Variants in HERC1 observed in about 807,000 individuals in gnomAD.
HERC1 encodes the protein HECT and RLD domain containing E3 ubiquitin protein ligase family member 1.
In HERC1, 160 loss-of-function variants were observed where a neutral mutation model predicts 554.3. The ratio of observed to expected loss-of-function variants is 0.29; its 90% confidence interval spans 0.25 to 0.33. The LOEUF (loss-of-function observed/expected upper bound fraction) is 0.33, where lower values mean the gene tolerates loss of function less well. Among genes scored for constraint, HERC1 ranks in the 10% least tolerant of loss-of-function variants. The pLI is 1.00. For missense variants in HERC1, 4,919 were observed against 5,918.5 expected (o/e 0.83, Z 5.54); for synonymous variants, 2,175 against 2,131.7 (o/e 1.02, Z -0.56).
At chr15:63,719,055 G>T (rs979590271) in intron 19 of HERC1, among the ~76,000 whole-genome samples, 158 bp from the exon 20 acceptor site, 6 of 152,170 alleles carry the variant, frequency 3.9e-5, no homozygotes, top group Non-Finnish European at 8.8e-5. Flanking sequence ...TGTTCCAAGC[G>T]CTGTGGATAT....
intron 1 of HERC1, among the ~76,000 whole-genome samples, chr15:63,817,941 T>C (rs1382817475): frequency 6.6e-6 from 1 of 152,080 alleles, no homozygotes; most frequent in Non-Finnish European, 1.5e-5. Context: ...TCATAGTATC[T>C]ACCTATTCCC....
chr15:63,709,338 T>C (rs1406900116), intron 24 of HERC1, among the ~76,000 whole-genome samples: 1 of 152,094 alleles, frequency 6.6e-6, no homozygotes, highest in Non-Finnish European at 1.5e-5. Flanking sequence ...GGTTTTTTTT[T>C]AGTCTTTTTA....
intron 26 of HERC1, among the ~76,000 whole-genome samples, chr15:63,697,002 A>G (rs2072457019): frequency 6.6e-6 from 1 of 152,074 alleles, no homozygotes; most frequent in Admixed American, 6.5e-5. Context: ...GATGGTACAG[A>G]GAGTTCTTGT....
At chr15:63,773,006 A>G (rs533589668) in intron 2 of HERC1, among the ~76,000 whole-genome samples, 1 of 152,322 alleles carries the variant, frequency 6.6e-6, no homozygotes, top group African/African-American at 2.4e-5. Context: ...ATTTTATGAG[A>G]CACTCCTGTC....
chr15:63,805,287 A>C (rs1321818728), intron 1 of HERC1, among the ~76,000 whole-genome samples: 1 of 152,238 alleles, frequency 6.6e-6, no homozygotes, highest in Non-Finnish European at 1.5e-5. Flanking sequence ...ATGGTTATTC[A>C]TTACAAGCAA....
intron 1 of HERC1, among the ~76,000 whole-genome samples, chr15:63,828,451 T>C (rs1157806836): frequency 6.6e-6 from 1 of 152,142 alleles, no homozygotes; most frequent in Non-Finnish European, 1.5e-5. Flanking sequence ...GTGATTCTCC[T>C]GCCTCAGACT....
intron 33 of HERC1, 36 bp downstream of exon 33, chr15:63,689,553 G>T: frequency 8.9e-7 from 1 of 1,124,810 alleles, no homozygotes. Context: ...ATTCACTTAT[G>T]CTGTTAAGAA....
At chr15:63,751,514 G>A (rs1230598493) in intron 8 of HERC1, among the ~76,000 whole-genome samples, 2 of 152,094 alleles carry the variant, frequency 1.3e-5, no homozygotes, top group Admixed American at 1.3e-4. Flanking sequence ...TTCTCTTGCA[G>A]CGTTCCTTCG....
At chr15:63,743,789 CA>C (rs1372814601) in intron 12 of HERC1, among the ~76,000 whole-genome samples, 1 of 152,196 alleles carries the variant, frequency 6.6e-6, no homozygotes, top group East Asian at 1.9e-4. Context: ...TGAAAGGTCA[CA>C]AATCTGTTTC....
chr15:63,616,238 T>G (rs1466498017), intron 75 of HERC1, among the ~76,000 whole-genome samples, 192 bp downstream of exon 75: 2 of 55,518 alleles, frequency 3.6e-5, no homozygotes, highest in East Asian at 3.9e-4. Flanking sequence ...AGCAACTAAG[T>G]GCAGGAGCCT....
chr15:63,674,825 T>C lies in HERC1; in HGVS notation c.7363A>G (p.Thr2455Ala), dbSNP rs563040606. The C allele has an allele frequency of 1.9e-6, 3 of 1,613,898 alleles. No homozygotes were observed. The highest frequency in any genetic ancestry group is 1.7e-5 in the Admixed American group (1 of 60,004). Reference protein sequence around the residue: ...TSDDVKSQSTTSSKSENEIAS... With the variant: ...TSDDVKSQSTASSKSENEIAS... ...ATTTCATTTTCTGATTTGGAGCTTG[T>C]GGTACTCTGACTTTTGACGTCATCA... The change falls in exon 38 of 78, where the codon ACA becomes GCA. Residue 2455 changes from threonine (T) to alanine (A), a missense_variant. Coordinates refer to ENST00000443617, the MANE Select transcript of HERC1 (RefSeq NM_003922.4).
chr15:63,658,654 G>T lies in HERC1; in HGVS notation c.9489C>A (p.Ala3163=). The stretch of plus-strand genomic sequence containing the variant: ...CCACACGGTCATGAGGGTTTGCTAG[G>T]GCAGCTGCCTGCTCTCCTAACGTTA... ...GRITLGEQAA[A]LANPHDRVVA... Residue 3163 remains alanine, a synonymous_variant, in exon 48 of 78, where the codon GCC becomes GCA. Coordinates refer to ENST00000443617, the MANE Select transcript of HERC1 (RefSeq NM_003922.4). 1 of 1,613,904 alleles carries T rather than the reference G, an allele frequency of 6.2e-7. No homozygotes were observed. Among genetic ancestry groups the T allele is most frequent in the Non-Finnish European group, 8.5e-7 (1 of 1,179,782 alleles).
At position 63,712,835 on chromosome 15, in the gene HERC1, G is replaced by C; in HGVS notation, c.4524C>G (p.Ile1508Met). 3 of 1,613,546 alleles carry C rather than the reference G, an allele frequency of 1.9e-6. No homozygotes were observed. The highest frequency in any genetic ancestry group is 2.5e-6 in the Non-Finnish European group (3 of 1,179,642). ...LVHTSPNYRL[I>M]KSRSESDLSQ... Reference sequence around the variant, plus strand: ...ACAAATCAGATTCACTCCTCGATTTGATCAGTCTATAATTTGGGCTTGTGT... The same window carrying C: ...ACAAATCAGATTCACTCCTCGATTTCATCAGTCTATAATTTGGGCTTGTGT... Residue 1508 changes from isoleucine to methionine, a missense_variant, in exon 24 of 78, where the codon ATC becomes ATG. Coordinates refer to ENST00000443617, the MANE Select transcript of HERC1 (RefSeq NM_003922.4).
intron 12 of HERC1, among the ~76,000 whole-genome samples, chr15:63,743,545 G>A (rs2074916251): frequency 1.3e-5 from 2 of 151,964 alleles, no homozygotes; most frequent in Non-Finnish European, 1.5e-5. Flanking sequence ...TTACAGGCGT[G>A]AGCCACCATG....
chr15:63,685,361 T>G (rs577897572), intron 34 of HERC1, among the ~76,000 whole-genome samples: 189 of 152,390 alleles, frequency 1.2e-3, no homozygotes, highest in African/African-American at 4.4e-3. Context: ...CTGCCTATTA[T>G]ATGTTCTGAT....
chr15:63,792,136 C>T (rs2076672063), intron 1 of HERC1, among the ~76,000 whole-genome samples: 1 of 152,110 alleles, frequency 6.6e-6, no homozygotes, highest in Non-Finnish European at 1.5e-5. Context: ...TTCTAATCTC[C>T]TACCTTAGCT....
intron 1 of HERC1, among the ~76,000 whole-genome samples, chr15:63,817,618 G>C (rs2145589411): frequency 6.6e-6 from 1 of 152,286 alleles, no homozygotes; most frequent in Middle Eastern, 3.4e-3. Flanking sequence ...GGGAGGCTGA[G>C]GCACGAGAGT....
intron 55 of HERC1, among the ~76,000 whole-genome samples, chr15:63,646,643 TAC>T (rs2069358711): frequency 7.0e-6 from 1 of 142,634 alleles, no homozygotes; most frequent in African/African-American, 2.6e-5. Flanking sequence ...CTAGTAAAAA[TAC>T]AAAAAAAAAA....
Position 63,718,001 on chromosome 15 carries a change from T to C in HERC1, c.3978+573A>G, listed in dbSNP as rs1306475740. ...TTTGATTGTTACCCTTTCGTCCTAG[T>C]TGTGTCCTCCGGAACAAGGAAAACA... On this transcript the variant is annotated intron_variant, in intron 21 of 77. Coordinates refer to ENST00000443617, the MANE Select transcript of HERC1 (RefSeq NM_003922.4). The surrounding 1 kb of genome is among the most constrained non-coding windows in gnomAD (Gnocchi z 4.2). Among the ~76,000 whole-genome samples the C allele has an allele frequency of 6.6e-6, 1 of 152,074 alleles. No homozygotes were observed. The highest frequency in any genetic ancestry group is 1.5e-5 in the Non-Finnish European group (1 of 68,012).
Sources: allele counts gnomAD v4.1 joint callset (sites outside exome capture counted in the v4.1 genomes callset), GRCh38; gene constraint gnomAD v4.1.1; non-coding constraint Gnocchi (gnomAD v3.1); transcripts MANE v1.5; gene names NCBI Gene and HGNC (gene_info 2026-07-23, HGNC 2026-07-21).